Variants in DDX49 observed in about 807,000 individuals in gnomAD.
The protein encoded by DDX49 is DEAD-box helicase 49.
A neutral mutation model predicts 56.3 loss-of-function variants in DDX49; 50 were observed. The ratio of observed to expected loss-of-function variants is 0.89; its 90% confidence interval spans 0.71 to 1.12. The LOEUF is 1.12. Among genes scored for constraint, DDX49 ranks in the 50% most tolerant of loss-of-function variants. The pLI is 0.00. For synonymous variants in DDX49, 269 were observed against 270.6 expected (o/e 0.99, Z 0.06); for missense variants, 614 against 650.5 (o/e 0.94, Z 0.61).
At chr19:18,921,236 C>T (rs1342771561) in intron 2 of DDX49, among the ~76,000 whole-genome samples, 2 of 151,802 alleles carry the variant, frequency 1.3e-5, no homozygotes, top group African/African-American at 4.8e-5. Context: ...GCCTTGAATG[C>T]CAGGCGGAGG....
In DDX49 at chr19:18,921,964, G is replaced by A; in HGVS notation, c.447G>A (p.Leu149=). The change falls in exon 4 of 13, where the codon CTG becomes CTA. Residue 149 remains leucine (L), a splice_region_variant and synonymous_variant. Transcript: ENST00000247003. ...NTFSIKKIRF[L]VMDEADRLLE... Reference sequence around the variant, plus strand: ...TTAGTATAAAGAAGATCCGCTTCCTGGTGAGTTCGCCCCGCCCCTGCAGAC... The same window carrying A: ...TTAGTATAAAGAAGATCCGCTTCCTAGTGAGTTCGCCCCGCCCCTGCAGAC... The A allele has an allele frequency of 6.2e-7, 1 of 1,605,894 alleles. No homozygotes were observed. Among genetic ancestry groups the A allele is most frequent in the South Asian group, 1.1e-5 (1 of 90,772 alleles).
chr19:18,926,421 G>T, intron 10 of DDX49, 44 bp downstream of exon 10: 3 of 1,333,626 alleles, frequency 2.2e-6, no homozygotes, highest in South Asian at 2.5e-5. Flanking sequence ...GGGGTGGGGT[G>T]GGCAGAGGTG....
chr19:18,921,524 C>T, intron 2 of DDX49, 139 bp from the exon 3 acceptor site: 2 of 792,138 alleles, frequency 2.5e-6, no homozygotes, highest in Non-Finnish European at 4.1e-6. Flanking sequence ...CTCCAAGGCT[C>T]AGCATCAGAG....
Position 18,921,684 on chromosome 19 carries a change from A to C in DDX49, c.261A>C (p.Ala87=), listed in dbSNP as rs754035473. Residue 87 remains alanine, a synonymous_variant, in exon 3 of 13, where the codon GCA becomes GCC. Coordinates refer to ENST00000247003, the MANE Select transcript of DDX49 (RefSeq NM_019070.5). The part of the protein sequence containing the change: ...TPTRELAYQI[A]EQFRVLGKPL... The stretch of plus-strand genomic sequence containing the variant: ...ACAGGGAGCTGGCCTACCAGATCGC[A>C]GAGCAGTTCCGGGTCCTGGGGAAGC... 1 of 1,614,114 alleles carries C rather than the reference A, an allele frequency of 6.2e-7. No homozygotes were observed. The highest frequency in any genetic ancestry group is 8.5e-7 in the Non-Finnish European group (1 of 1,180,004).
At position 18,920,565 on chromosome 19, in the gene DDX49, T is replaced by C. The variant is rs747468651; in HGVS notation, c.116-15T>C. The C allele has an allele frequency of 3.8e-6, 6 of 1,584,760 alleles. No individual in the cohort carries two copies. In the South Asian group the frequency reaches 6.7e-5, roughly 18 times the overall value. ...ACACATGGAGGGTGTTGATGCTGCTTTGTCCCCAACCCAGGTCGAGACTGC... is the reference window on the plus strand; with the variant it reads ...ACACATGGAGGGTGTTGATGCTGCTCTGTCCCCAACCCAGGTCGAGACTGC... On this transcript the variant is annotated splice_polypyrimidine_tract_variant and intron_variant, in intron 1 of 12. Coordinates refer to ENST00000247003, the MANE Select transcript of DDX49 (RefSeq NM_019070.5).
rs116368644 is a variant in DDX49 at position 18,927,803 on chromosome 19, G to A, written c.1140G>A (p.Glu380=). The A allele has an allele frequency of 1.2e-6, 2 of 1,613,894 alleles. No homozygotes were observed. The highest frequency in any genetic ancestry group is 4.5e-5 in the East Asian group (2 of 44,852). ...AGGAGTTCTCCGTGGAAGAGGCCGA[G>A]GTGCTACAGATCCTCACACAGGTCA... is the stretch of plus-strand genomic sequence containing the variant. ...KLEEFSVEEA[E]VLQILTQVNV... The change falls in exon 11 of 13, where the codon GAG becomes GAA. Residue 380 remains glutamate, a synonymous_variant. Transcript: ENST00000247003.
Position 18,924,328 on chromosome 19 carries a change from C to G in DDX49, c.852+20C>G. The G allele has an allele frequency of 6.3e-7, 1 of 1,586,012 alleles. No individual in the cohort carries two copies. The highest frequency in any genetic ancestry group is 8.5e-7 in the Non-Finnish European group (1 of 1,171,438). ...AAGCAGGTGAGGCCACCCTGGGGCCCGCCAGCCTCACCCTGGGATACCTTC... is the reference window on the plus strand; with the variant it reads ...AAGCAGGTGAGGCCACCCTGGGGCCGGCCAGCCTCACCCTGGGATACCTTC... On this transcript the variant is annotated intron_variant, in intron 7 of 12. Coordinates refer to ENST00000247003, the MANE Select transcript of DDX49 (RefSeq NM_019070.5).
Position 18,920,710 on chromosome 19 carries a change from C to A in DDX49, c.239+7C>A. Reference sequence around the variant, plus strand: ...TCGTCCTGACACCCACCAGGTAAGCCCCCAGCAGGCCTCCTGGGTATGGGT... The same window carrying A: ...TCGTCCTGACACCCACCAGGTAAGCACCCAGCAGGCCTCCTGGGTATGGGT... On this transcript the variant is annotated splice_region_variant and intron_variant, in intron 2 of 12. Coordinates refer to ENST00000247003, the MANE Select transcript of DDX49 (RefSeq NM_019070.5). 2 of 1,591,158 alleles carry A rather than the reference C, an allele frequency of 1.3e-6. No homozygotes were observed. The highest frequency in any genetic ancestry group is 1.1e-5 in the South Asian group (1 of 89,992).
Position 18,922,721 on chromosome 19 carries a change from TATC to T in DDX49, c.757_759del (p.Ile253del). 2 of 1,613,648 alleles carry T rather than the reference TATC, an allele frequency of 1.2e-6. No homozygotes were observed. The highest frequency in any genetic ancestry group is 1.1e-5 in the South Asian group (1 of 91,086). ...AGGATGAGCACGAGGACTGGTCCAT[TATC>T]ATCTTCACCAACACGTGCAAGTGAG... On this transcript the variant is annotated inframe_deletion, in exon 6 of 13. Coordinates refer to ENST00000247003, the MANE Select transcript of DDX49 (RefSeq NM_019070.5).
At chr19:18,921,822 C>T (rs754627401) in intron 3 of DDX49, 21 bp from the exon 4 acceptor site, 14 of 1,613,862 alleles carry the variant, frequency 8.7e-6, no homozygotes, top group South Asian at 4.4e-5. Flanking sequence ...CCAGCCCTGC[C>T]TCTCATGCTC....
At chr19:18,926,427 A>ATTT in intron 10 of DDX49, 50 bp downstream of exon 10, 8 of 444,302 alleles carry the variant, frequency 1.8e-5, no homozygotes, top group East Asian at 5.3e-5. Flanking sequence ...GGGTGGGCAG[A>ATTT]GGTGGGCACC....
At chr19:18,924,474 GC>G (rs2056944717) in intron 7 of DDX49, 148 bp from the exon 8 acceptor site, 2 of 1,063,872 alleles carry the variant, frequency 1.9e-6, no homozygotes, top group African/African-American at 3.2e-5. Context: ...ATCTCTTTTA[GC>G]CGTCATTCAT....
intron 4 of DDX49, 176 bp downstream of exon 4, chr19:18,922,140 T>C: frequency 8.5e-7 from 1 of 1,170,378 alleles, no homozygotes. Flanking sequence ...GGGGGCCCAG[T>C]CCTAGCAATG....
chr19:18,922,685 C>T lies in DDX49; in HGVS notation c.717C>T (p.Ile239=). ...AGGACGCCTACCTGGTCCACCTGAT[C>T]CAGCGCTTCCAGGATGAGCACGAGG... is the stretch of plus-strand genomic sequence containing the variant. The part of the protein sequence containing the change: ...KVKDAYLVHL[I]QRFQDEHEDW... Residue 239 remains isoleucine, a synonymous_variant, in exon 6 of 13, where the codon ATC becomes ATT. Transcript: ENST00000247003. The T allele has an allele frequency of 5.0e-6, 8 of 1,614,064 alleles. No homozygotes were observed. The highest frequency in any genetic ancestry group is 6.8e-6 in the Non-Finnish European group (8 of 1,180,030).
At chr19:18,919,893 C>T in intron 1 of DDX49, 37 bp downstream of exon 1, 1 of 1,457,236 alleles carries the variant, frequency 6.9e-7, no homozygotes, top group Non-Finnish European at 9.4e-7. Flanking sequence ...AGAGGCCTCT[C>T]CGCTCCTCTC....
In DDX49 at chr19:18,922,584, G is replaced by A. The variant is rs780001523; in HGVS notation, c.636-20G>A. 6.2e-6 allele frequency: 10 copies of A among 1,605,144 alleles called. No homozygotes were observed. The highest frequency in any genetic ancestry group is 8.5e-6 in the Non-Finnish European group (10 of 1,174,694). ...CAGACAGGGACACTGAGGCGTGGCG[G>A]TCTATCTGTCCATCCCCAGGGTGAG... On this transcript the variant is annotated intron_variant, in intron 5 of 12. Transcript: ENST00000247003.
intron 2 of DDX49, 73 bp downstream of exon 2, chr19:18,920,776 T>C: frequency 6.8e-7 from 1 of 1,472,074 alleles, no homozygotes; most frequent in Non-Finnish European, 9.2e-7. Flanking sequence ...TTTCCCTCTC[T>C]GAGCGCCCTT....
At chr19:18,922,098 C>A (rs190821551) in intron 4 of DDX49, 134 bp downstream of exon 4, 1 of 1,320,350 alleles carries the variant, frequency 7.6e-7, no homozygotes, top group Non-Finnish European at 1.0e-6. Context: ...ACGCTAGGAA[C>A]AGTGACAAGG....
In DDX49 at chr19:18,928,341, C is replaced by T; in HGVS notation, c.*25C>T. ...AGCCCCACACGGCCATCTGCCCAGT[C>T]CTTGACTCGTCCATGGAGCTGAGGG... On this transcript the variant is annotated 3_prime_UTR_variant, in exon 13 of 13. Transcript: ENST00000247003. 1 of 1,487,210 alleles carries T rather than the reference C, an allele frequency of 6.7e-7. No individual in the cohort carries two copies. Among genetic ancestry groups the T allele is most frequent in the South Asian group, 1.4e-5 (1 of 72,866 alleles). The allele number at this position is 1,487,210 out of a possible 1,614,324, so 92.1% of individuals were successfully genotyped here.
Sources: allele counts gnomAD v4.1 joint callset (sites outside exome capture counted in the v4.1 genomes callset), GRCh38; gene constraint gnomAD v4.1.1; transcripts MANE v1.5; gene names NCBI Gene and HGNC (gene_info 2026-07-23, HGNC 2026-07-21).